The following DYNC2H1 variants were observed in gnomAD, a reference collection of about 807,000 sequenced individuals.
DYNC2H1 encodes the protein cytoplasmic dynein 2 heavy chain 1.
A neutral mutation model predicts 570.0 loss-of-function variants in DYNC2H1; 410 were observed. The ratio of observed to expected loss-of-function variants is 0.72; its 90% CI spans 0.66 to 0.78. The LOEUF is 0.78. DYNC2H1 is among the 30% of genes least tolerant of loss of function. The pLI is 0.00. For synonymous variants in DYNC2H1, 1,688 were observed against 1,677.6 expected, an observed-to-expected ratio of 1.01 and a Z score of -0.15; for missense variants, 4,865 against 5,046.4, an observed-to-expected ratio of 0.96 and a Z score of 1.09.
intron 84 of DYNC2H1, among the ~76,000 whole-genome samples, chr11:103,428,741 C>G (rs1343297427): frequency 6.6e-6 from 1 of 152,120 alleles, no homozygotes; most frequent in Middle Eastern, 3.2e-3. Context: ...CAGTATTTGT[C>G]TTTGTGTCCC....
At chr11:103,473,295 T>TC (rs920256497) in intron 88 of DYNC2H1, among the ~76,000 whole-genome samples, 1 of 151,262 alleles carries the variant, frequency 6.6e-6, no homozygotes, top group Non-Finnish European at 1.5e-5. Flanking sequence ...GATTTTTTTT[T>TC]TTTTTTTTTG....
rs1945029574 is a variant in DYNC2H1, at chr11:103,461,948, TATAATGTA to T, written c.12648+5593_12648+5600del. ...CTTTAAAAATATTTTTTTTCTTAAA[TATAATGTA>T]TTATCACAAATATCAAAATTAAAAT... is the stretch of plus-strand genomic sequence containing the variant. On this transcript the variant is annotated intron_variant, in intron 87 of 88. Transcript: ENST00000375735. This position sits in a 1 kb window ranked among gnomAD's most constrained non-coding sequence, Gnocchi z 4.8. Among the ~76,000 whole-genome samples, 1 of 152,102 alleles carries T rather than the reference TATAATGTA, an allele frequency of 6.6e-6. No homozygotes were observed. Among genetic ancestry groups the T allele is most frequent in the African/African-American group, 2.4e-5 (1 of 41,462 alleles).
chr11:103,329,752 T>C (rs1938682317), intron 82 of DYNC2H1, among the ~76,000 whole-genome samples: 2 of 152,314 alleles, frequency 1.3e-5, no homozygotes, highest in Middle Eastern at 3.4e-3. Flanking sequence ...GTACCCTTAG[T>C]GTCCTTGGTA....
At position 103,293,760 on chromosome 11, in the gene DYNC2H1, T is replaced by C. The variant is rs1265119627; in HGVS notation, c.11095+6155T>C. On this transcript the variant is annotated intron_variant, in intron 75 of 88. Coordinates refer to ENST00000375735, the MANE Select transcript of DYNC2H1 (RefSeq NM_001377.3). ...CTAGGAATTGATTGTTTTTATAAAA[T>C]TATTTGAATCTCTTTATTAAATTTC... Among the ~76,000 whole-genome samples, 3 of 152,122 alleles carry C rather than the reference T, an allele frequency of 2.0e-5. No homozygotes were observed. In the East Asian group the frequency reaches 5.8e-4, roughly 29 times the overall value.
intron 20 of DYNC2H1, 130 bp downstream of exon 20, chr11:103,148,747 CT>C: frequency 8.4e-7 from 1 of 1,189,062 alleles, no homozygotes; most frequent in Non-Finnish European, 1.1e-6. Flanking sequence ...AATAGTCTGG[CT>C]TACCTGGTTA....
rs1263066492 is a variant in DYNC2H1, at chr11:103,148,529, T to C, written c.2858T>C (p.Met953Thr). ...HEIDTFVTEA[M>T]EVLTIMPQSV... ...ATTGATACATTTGTTACTGAGGCTA[T>C]GGAAGTCTTAACAATTATGCCCCAG... Residue 953 changes from methionine (M) to threonine (T), a missense_variant, in exon 20 of 89, where the codon ATG becomes ACG. Transcript: ENST00000375735. The C allele has an allele frequency of 1.3e-6, 2 of 1,565,494 alleles. No individual in the cohort carries two copies. Among genetic ancestry groups the C allele is most frequent in the African/African-American group, 1.4e-5 (1 of 73,862 alleles).
intron 83 of DYNC2H1, among the ~76,000 whole-genome samples, chr11:103,385,484 G>C (rs991758877): frequency 6.6e-6 from 1 of 151,800 alleles, no homozygotes; most frequent in African/African-American, 2.4e-5. Flanking sequence ...AAAAACCCTA[G>C]TCTTATGACT....
intron 11 of DYNC2H1, among the ~76,000 whole-genome samples, chr11:103,124,257 A>G (rs1858870388): frequency 6.6e-6 from 1 of 151,836 alleles, no homozygotes; most frequent in Non-Finnish European, 1.5e-5. Context: ...GACCAGCCTG[A>G]GCAACATGGC....
At chr11:103,139,201 G>T (rs1859753589) in intron 17 of DYNC2H1, among the ~76,000 whole-genome samples, 3 of 151,964 alleles carry the variant, frequency 2.0e-5, no homozygotes, top group Non-Finnish European at 4.4e-5. Context: ...GGTTTTTTGT[G>T]TCTCTATTTC....
intron 87 of DYNC2H1, 81 bp from the exon 88 acceptor site, chr11:103,468,508 A>G: frequency 2.2e-6 from 2 of 894,250 alleles, no homozygotes; most frequent in Non-Finnish European, 3.5e-6. Context: ...TGGAAAGCAT[A>G]GCTCTTAAGG....
chr11:103,408,947 A>G (rs2137864), intron 84 of DYNC2H1, among the ~76,000 whole-genome samples: 76,675 of 151,430 alleles, frequency 0.51, 19,647 homozygotes, highest in African/African-American at 0.6. Context: ...TCTTGTTTAT[A>G]TCCCGCCGGA....
chr11:103,165,318 G>A (rs12364858), intron 30 of DYNC2H1, among the ~76,000 whole-genome samples: 7,580 of 152,088 alleles, frequency 0.05, 255 homozygotes, highest in Non-Finnish European at 0.071. Context: ...CAGTAGAGAC[G>A]GGGTTTCTCC....
intron 87 of DYNC2H1, among the ~76,000 whole-genome samples, chr11:103,456,878 T>C (rs890913193): frequency 7.2e-5 from 11 of 152,228 alleles, no homozygotes; most frequent in African/African-American, 2.2e-4. Context: ...TAAAATATTA[T>C]ATAAAATTAC....
chr11:103,447,470 T>A (rs182654447), intron 85 of DYNC2H1, among the ~76,000 whole-genome samples: 8 of 152,272 alleles, frequency 5.3e-5, no homozygotes, highest in Admixed American at 5.2e-4. Context: ...CGCTACACAA[T>A]GTGGGAAACC....
intron 1 of DYNC2H1, among the ~76,000 whole-genome samples, chr11:103,111,462 C>G (rs1858109095): frequency 6.6e-6 from 1 of 152,114 alleles, no homozygotes; most frequent in African/African-American, 2.4e-5. Flanking sequence ...GTTAACTTTT[C>G]TTTTTCTCCA....
intron 85 of DYNC2H1, among the ~76,000 whole-genome samples, chr11:103,441,654 A>T (rs532412527): frequency 1.2e-3 from 177 of 152,270 alleles, no homozygotes; most frequent in African/African-American, 4.2e-3. Flanking sequence ...TCTTTTTTCC[A>T]ATCATCAAGA....
rs573406633 is a variant in DYNC2H1 at position 103,190,671 on chromosome 11, A to G, written c.7438-846A>G. 5.3e-5 allele frequency among the ~76,000 whole-genome samples: 8 copies of G among 152,284 alleles called. No homozygotes were observed. The East Asian group carries it at 1.5e-3, about 29-fold the overall frequency. On this transcript the variant is annotated intron_variant, in intron 45 of 88. Transcript: ENST00000375735. ...GTGGGGATAGGTAAGTTTAAAAGCA[A>G]GAAATTCCTTTTTTTAAAAAAATAA... is the stretch of plus-strand genomic sequence containing the variant.
intron 82 of DYNC2H1, among the ~76,000 whole-genome samples, chr11:103,345,282 G>GTTT (rs35941820): frequency 6.7e-5 from 10 of 148,594 alleles, no homozygotes; most frequent in Non-Finnish European, 9.0e-5. Flanking sequence ...GGTTACTCCA[G>GTTT]TTTTTTTTTT....
chr11:103,319,996 A>T lies in DYNC2H1; in HGVS notation c.11726-1033A>T, dbSNP rs1004314108. ...CCTTATGTTCCAAGGCATGTAGATAATCAATTTTTGTCATATCTCTAAATT... is the reference window on the plus strand; with the variant it reads ...CCTTATGTTCCAAGGCATGTAGATATTCAATTTTTGTCATATCTCTAAATT... On this transcript the variant is annotated intron_variant, in intron 80 of 88. Coordinates refer to ENST00000375735, the MANE Select transcript of DYNC2H1 (RefSeq NM_001377.3). This position sits in a 1 kb window ranked among gnomAD's most constrained non-coding sequence, Gnocchi z 4.3. Among the ~76,000 whole-genome samples the T allele has an allele frequency of 4.6e-5, 7 of 152,228 alleles. No homozygotes were observed. Among genetic ancestry groups the T allele is most frequent in the Non-Finnish European group, 8.8e-5 (6 of 68,046 alleles).
Sources: allele counts gnomAD v4.1 joint callset (sites outside exome capture counted in the v4.1 genomes callset), GRCh38; gene constraint gnomAD v4.1.1; non-coding constraint Gnocchi (gnomAD v3.1); transcripts MANE v1.5; gene names NCBI Gene and HGNC (gene_info 2026-07-23, HGNC 2026-07-21).